RIMS2: variants seen among roughly 807,000 people sequenced by gnomAD.
RIMS2 encodes the protein regulating synaptic membrane exocytosis 2, also known as regulating synaptic membrane exocytosis protein 2.
In RIMS2, 59 loss-of-function variants were observed where a neutral mutation model predicts 174.4. That is an observed-to-expected ratio of 0.34 (90% CI 0.27 to 0.42). RIMS2 has a LOEUF of 0.42. Ranked by LOEUF, RIMS2 falls within the 10% of genes least tolerant of loss-of-function variation. The pLI, the probability that RIMS2 is intolerant of heterozygous loss-of-function variation, is 1.00. For synonymous variants in RIMS2, 606 were observed against 572.5 expected (o/e 1.06, Z -0.84); for missense variants, 1,620 against 1,666.3 (o/e 0.97, Z 0.48).
intron 3 of RIMS2, among the ~76,000 whole-genome samples, chr8:103,809,609 T>C (rs1262243795): frequency 1.3e-5 from 2 of 152,136 alleles, no homozygotes; most frequent in Non-Finnish European, 2.9e-5. Context: ...TGAACAGTGA[T>C]TTATTCTCCC....
chr8:104,168,362 T>G (rs2098810199), intron 19 of RIMS2, among the ~76,000 whole-genome samples: 1 of 152,282 alleles, frequency 6.6e-6, no homozygotes, highest in East Asian at 1.9e-4. Flanking sequence ...TAGTTTTCCT[T>G]GTAGAGATCT....
chr8:104,111,944 G>A (rs2098192254), intron 19 of RIMS2, among the ~76,000 whole-genome samples: 1 of 151,982 alleles, frequency 6.6e-6, no homozygotes, highest in African/African-American at 2.4e-5. Flanking sequence ...TCCTATTCTT[G>A]CCATAATGTC....
rs147902805 is a variant in RIMS2 at position 104,145,671 on chromosome 8, C to CAATAAATTAAATA, written c.3335-99238_3335-99237insTAAATAAATAAAT. Among the ~76,000 whole-genome samples, 435 of 132,696 alleles carry CAATAAATTAAATA rather than the reference C, an allele frequency of 3.3e-3. 3 individuals carry two copies. The highest frequency in any genetic ancestry group is 0.012 in the African/African-American group (400 of 34,450). 87.1% of individuals were successfully genotyped at this position (132,696 alleles called of 152,430 possible). Reference sequence around the variant, plus strand: ...AGAAACCCCGTCTCTACTAAAAATACAATAAATAAATAAATAAATAAATAA... The same window carrying CAATAAATTAAATA: ...AGAAACCCCGTCTCTACTAAAAATACAATAAATTAAATAAATAAATAAATAAATAAATAAATAA... On this transcript the variant is annotated intron_variant, in intron 19 of 23. Transcript: ENST00000504942.
At chr8:103,678,022 T>C (rs1047442073) in intron 1 of RIMS2, among the ~76,000 whole-genome samples, 1 of 152,334 alleles carries the variant, frequency 6.6e-6, no homozygotes, top group East Asian at 1.9e-4. Context: ...GTTCACTATG[T>C]AACTGTACTC....
intron 19 of RIMS2, among the ~76,000 whole-genome samples, chr8:104,147,485 T>C (rs914034392): frequency 1.1e-4 from 17 of 152,178 alleles, no homozygotes; most frequent in Admixed American, 9.2e-4. Flanking sequence ...CTTTTTTTTT[T>C]CTGGAAGACA....
intron 19 of RIMS2, among the ~76,000 whole-genome samples, chr8:104,087,484 G>T (rs531253007): frequency 1.3e-5 from 2 of 152,044 alleles, no homozygotes; most frequent in Non-Finnish European, 2.9e-5. Flanking sequence ...ATTCGAAGCA[G>T]TGCTTCTCTT....
chr8:103,914,570 C>T (rs1205960465), intron 6 of RIMS2, among the ~76,000 whole-genome samples: 1 of 152,086 alleles, frequency 6.6e-6, no homozygotes, highest in Non-Finnish European at 1.5e-5. Flanking sequence ...AAGAGCTATA[C>T]ATATAATTTT....
At chr8:103,615,083 A>G (rs1168118165) in intron 1 of RIMS2, among the ~76,000 whole-genome samples, 1 of 152,190 alleles carries the variant, frequency 6.6e-6, no homozygotes, top group Non-Finnish European at 1.5e-5. Flanking sequence ...CATAATAAAG[A>G]TCTTTTTAAA....
At chr8:103,646,751 T>C (rs1589643196) in intron 1 of RIMS2, among the ~76,000 whole-genome samples, 1 of 151,952 alleles carries the variant, frequency 6.6e-6, no homozygotes, top group East Asian at 1.9e-4. Flanking sequence ...AATGGGGTTT[T>C]CTAGATATAG....
At chr8:103,629,263 G>T (rs904555933) in intron 1 of RIMS2, among the ~76,000 whole-genome samples, 2 of 152,222 alleles carry the variant, frequency 1.3e-5, no homozygotes, top group Non-Finnish European at 2.9e-5. Context: ...TACTGAGAGG[G>T]TTAGAGGGAA....
At chr8:103,565,207 T>C (rs1186376452) in intron 1 of RIMS2, among the ~76,000 whole-genome samples, 1 of 152,188 alleles carries the variant, frequency 6.6e-6, no homozygotes, top group African/African-American at 2.4e-5. Flanking sequence ...TTATAAAAGC[T>C]GCCGTACAGC....
chr8:103,660,329 T>A (rs1214551362), intron 1 of RIMS2, among the ~76,000 whole-genome samples: 2 of 152,218 alleles, frequency 1.3e-5, no homozygotes, highest in Non-Finnish European at 2.9e-5. Flanking sequence ...GCTGGACTCA[T>A]GGATGTGCAC....
chr8:103,724,820 T>C (rs2097505798), intron 2 of RIMS2, among the ~76,000 whole-genome samples: 1 of 152,228 alleles, frequency 6.6e-6, no homozygotes, highest in Non-Finnish European at 1.5e-5. Flanking sequence ...GTCTCCTTAA[T>C]CTGCCCATTG....
chr8:103,741,080 G>T (rs2097757415), intron 2 of RIMS2, among the ~76,000 whole-genome samples: 2 of 151,854 alleles, frequency 1.3e-5, no homozygotes, highest in African/African-American at 2.4e-5. Context: ...GAGTTTAATT[G>T]TAATAATTAT....
At chr8:103,543,957 G>A (rs1338905011) in intron 1 of RIMS2, among the ~76,000 whole-genome samples, 1 of 152,140 alleles carries the variant, frequency 6.6e-6, no homozygotes, top group African/African-American at 2.4e-5. Context: ...GATCCCAACA[G>A]CAAAAGTAGA....
At chr8:103,993,339 T>TTA (rs2094852573) in intron 17 of RIMS2, among the ~76,000 whole-genome samples, 1 of 152,116 alleles carries the variant, frequency 6.6e-6, no homozygotes, top group South Asian at 2.1e-4. Flanking sequence ...ATAAATTACT[T>TTA]TATAAGCTTT....
intron 19 of RIMS2, among the ~76,000 whole-genome samples, chr8:104,198,632 T>C (rs1442268335): frequency 6.6e-6 from 1 of 152,206 alleles, no homozygotes. Context: ...TACTTTTCTC[T>C]CTCCACGAGG....
intron 19 of RIMS2, among the ~76,000 whole-genome samples, chr8:104,031,606 A>G (rs1467223041): frequency 2.0e-5 from 3 of 152,168 alleles, no homozygotes; most frequent in Non-Finnish European, 4.4e-5. Context: ...TCCCTGAAGT[A>G]TATTTAGATT....
At chr8:103,832,500 C>A (rs2098832010) in intron 3 of RIMS2, among the ~76,000 whole-genome samples, 1 of 152,068 alleles carries the variant, frequency 6.6e-6, no homozygotes, top group Non-Finnish European at 1.5e-5. Context: ...GCCTAGTACT[C>A]ATTAGTTATT....
Sources: gnomAD v4.1 joint callset for allele counts (sites outside exome capture counted in the v4.1 genomes callset) on GRCh38, gnomAD v4.1.1 for gene constraint, MANE v1.5 for transcripts, NCBI Gene and HGNC (gene_info 2026-07-23, HGNC 2026-07-21) for gene names.